Variants in RSPO3 observed in about 807,000 individuals in gnomAD.
RSPO3 encodes R-spondin-3.
RSPO3 carries 17 observed loss-of-function variants against 36.5 expected under a neutral mutation model. The observed-to-expected ratio is 0.47, with a 90% CI of 0.32 to 0.70. The LOEUF (loss-of-function observed/expected upper bound fraction) is 0.70, where lower values mean the gene tolerates loss of function less well. Ranked by LOEUF, RSPO3 falls within the 30% of genes least tolerant of loss-of-function variation. RSPO3 has a pLI of 0.04. For synonymous variants in RSPO3, 108 were observed against 107.0 expected (o/e 1.01, Z -0.06); for missense variants, 294 against 322.5 (o/e 0.91, Z 0.68).
At chr6:127,140,341 C>G (rs531678448) in intron 1 of RSPO3, among the ~76,000 whole-genome samples, 1 of 152,034 alleles carries the variant, frequency 6.6e-6, no homozygotes, top group Non-Finnish European at 1.5e-5. Context: ...CCCACTTATT[C>G]CCACACACAC....
At chr6:127,136,661 G>T (rs1774161783) in intron 1 of RSPO3, among the ~76,000 whole-genome samples, 1 of 152,190 alleles carries the variant, frequency 6.6e-6, no homozygotes, top group African/African-American at 2.4e-5. Context: ...TAAGTGATTT[G>T]TATGGTATCA....
At position 127,193,524 on chromosome 6, in the gene RSPO3, T is replaced by C. The variant is rs141437274; in HGVS notation, c.635-2299T>C. ...TAGTTTTTATGGAACTTTGGAATGG[T>C]TTTTGCTGACAATTTTTTCGAGTTG... is the stretch of plus-strand genomic sequence containing the variant. On this transcript the variant is annotated intron_variant, in intron 4 of 4. Transcript: ENST00000356698. 1.3e-4 allele frequency among the ~76,000 whole-genome samples: 20 copies of C among 152,252 alleles called. 1 individual carries two copies. The East Asian group carries it at 3.9e-3, about 29-fold the overall frequency.
At chr6:127,123,256 A>C (rs748885173) in intron 1 of RSPO3, among the ~76,000 whole-genome samples, 2 of 152,154 alleles carry the variant, frequency 1.3e-5, no homozygotes, top group Non-Finnish European at 2.9e-5. Flanking sequence ...CTTTAATTCT[A>C]CTATACATTT....
intron 1 of RSPO3, among the ~76,000 whole-genome samples, chr6:127,123,244 A>G (rs533947808): frequency 1.1e-4 from 16 of 152,248 alleles, no homozygotes; most frequent in African/African-American, 3.1e-4. Context: ...AAATAGAAAA[A>G]TCTTTAATTC....
chr6:127,124,262 C>A (rs1054998914), intron 1 of RSPO3, among the ~76,000 whole-genome samples: 2 of 152,056 alleles, frequency 1.3e-5, no homozygotes, highest in Non-Finnish European at 2.9e-5. Flanking sequence ...CTCTCTCTTC[C>A]TACTTCTTCA....
At chr6:127,161,321 A>G (rs763333985) in intron 4 of RSPO3, among the ~76,000 whole-genome samples, 1 of 152,176 alleles carries the variant, frequency 6.6e-6, no homozygotes, top group Non-Finnish European at 1.5e-5. Context: ...TGCCTCTAAC[A>G]CATTTTACAT....
At chr6:127,184,078 C>T (rs1034001282) in intron 4 of RSPO3, among the ~76,000 whole-genome samples, 5 of 151,898 alleles carry the variant, frequency 3.3e-5, no homozygotes, top group African/African-American at 7.2e-5. Context: ...GTAACCACCC[C>T]TGGAATTCAA....
At chr6:127,131,058 T>C (rs893042052) in intron 1 of RSPO3, among the ~76,000 whole-genome samples, 5 of 152,102 alleles carry the variant, frequency 3.3e-5, no homozygotes, top group Admixed American at 1.3e-4. Flanking sequence ...TCCAGCCAAC[T>C]TTCCAGTTCT....
Position 127,147,194 on chromosome 6 carries a change from G to A in RSPO3, c.98-1454G>A, listed in dbSNP as rs149368073. On this transcript the variant is annotated intron_variant, in intron 1 of 4. Coordinates refer to ENST00000356698, the MANE Select transcript of RSPO3 (RefSeq NM_032784.5). Reference sequence around the variant, plus strand: ...GGTTTCCTACAGGCAGAGGATGCTGGTCAACCGAATGACCTCTCTGTAACT... The same window carrying A: ...GGTTTCCTACAGGCAGAGGATGCTGATCAACCGAATGACCTCTCTGTAACT... Among the ~76,000 whole-genome samples, 8 of 152,230 alleles carry A rather than the reference G, an allele frequency of 5.3e-5. No homozygotes were observed. The East Asian group carries it at 1.4e-3, about 26-fold the overall frequency.
intron 1 of RSPO3, among the ~76,000 whole-genome samples, chr6:127,145,824 C>A (rs138499550): frequency 1.5e-4 from 23 of 152,262 alleles, no homozygotes; most frequent in African/African-American, 5.5e-4. Context: ...AAGAAAGACA[C>A]ATGAGAAAGT....
At position 127,175,893 on chromosome 6, in the gene RSPO3, T is replaced by A. The variant is rs553772086; in HGVS notation, c.635-19930T>A. Among the ~76,000 whole-genome samples, 23 of 151,880 alleles carry A rather than the reference T, an allele frequency of 1.5e-4. No homozygotes were observed. The South Asian group carries it at 3.5e-3, about 23-fold the overall frequency. On this transcript the variant is annotated intron_variant, in intron 4 of 4. Transcript: ENST00000356698. ...GGGGACACATTATATTGAATAAGGG[T>A]ATTGTTAGCCAAATTCTAAGATTCA...
At chr6:127,186,942 C>T (rs1562254731) in intron 4 of RSPO3, among the ~76,000 whole-genome samples, 1 of 152,084 alleles carries the variant, frequency 6.6e-6, no homozygotes, top group Admixed American at 6.6e-5. Flanking sequence ...GTGTGTATAA[C>T]AGAAATTTTT....
Position 127,195,866 on chromosome 6 carries a change from A to G in RSPO3, c.678A>G (p.Gly226=), listed in dbSNP as rs1233273428. ...GGAAAAGAAAAAAACCTAATAAAGG[A>G]GAAAGTAAAGAAGCAATACCTGACA... ...RERKRKKPNK[G]ESKEAIPDSK... The change falls in exon 5 of 5, where the codon GGA becomes GGG. Residue 226 remains glycine, a synonymous_variant. Transcript: ENST00000356698. The G allele has an allele frequency of 6.2e-6, 10 of 1,601,684 alleles. No homozygotes were observed. The East Asian group carries it at 2.2e-4, about 36-fold the overall frequency.
In RSPO3 at chr6:127,197,111, A is replaced by C; in HGVS notation, c.*1104A>C. On this transcript the variant is annotated 3_prime_UTR_variant, in exon 5 of 5. Coordinates refer to ENST00000356698, the MANE Select transcript of RSPO3 (RefSeq NM_032784.5). Reference sequence around the variant, plus strand: ...CTCTTAGAGACTCATGAATTAAGAAAGAGAATTCTGCTAACTCAGAGAACC... The same window carrying C: ...CTCTTAGAGACTCATGAATTAAGAACGAGAATTCTGCTAACTCAGAGAACC... The C allele has an allele frequency of 4.5e-6, 1 of 224,602 alleles. No homozygotes were observed. The highest frequency in any genetic ancestry group is 8.9e-6 in the Non-Finnish European group (1 of 112,986). The allele number at this position is 224,602 out of a possible 1,614,324, so 13.9% of individuals were successfully genotyped here. A position where few individuals can be genotyped will look rare whatever the true frequency, so the allele number is the denominator to read the frequency against.
At chr6:127,136,488 A>G (rs922251456) in intron 1 of RSPO3, among the ~76,000 whole-genome samples, 12 of 152,200 alleles carry the variant, frequency 7.9e-5, no homozygotes, top group African/African-American at 2.9e-4. Context: ...TGAGCTGGAA[A>G]AGTATCATTT....
chr6:127,177,756 C>T (rs1302730160), intron 4 of RSPO3, among the ~76,000 whole-genome samples: 5 of 151,596 alleles, frequency 3.3e-5, no homozygotes, highest in Non-Finnish European at 5.9e-5. Context: ...GAGAAAAGGA[C>T]TTGCAAGAAG....
chr6:127,144,841 C>CA (rs1774350841), intron 1 of RSPO3, among the ~76,000 whole-genome samples: 1 of 151,868 alleles, frequency 6.6e-6, no homozygotes, highest in Non-Finnish European at 1.5e-5. Flanking sequence ...AGGCTGGTCT[C>CA]AAACTCCTGG....
chr6:127,119,081 T>A lies in RSPO3; in HGVS notation c.-112T>A, dbSNP rs1022406727. The stretch of plus-strand genomic sequence containing the variant: ...TCGGATGTGAGAGGAGAAGTCCCGC[T>A]GCTCGGGCACTGTCTATATACGCCT... On this transcript the variant is annotated 5_prime_UTR_variant, in exon 1 of 5. Transcript: ENST00000356698. The A allele has an allele frequency of 1.3e-6, 1 of 763,704 alleles. No individual in the cohort carries two copies. The highest frequency in any genetic ancestry group is 1.8e-5 in the African/African-American group (1 of 55,906). 47.3% of individuals were successfully genotyped at this position (763,704 alleles called of 1,614,324 possible).
chr6:127,140,459 G>A (rs774476516), intron 1 of RSPO3, among the ~76,000 whole-genome samples: 1 of 152,160 alleles, frequency 6.6e-6, no homozygotes, highest in Non-Finnish European at 1.5e-5. Context: ...CAAAACACAT[G>A]TAGATTGATG....
Sources: allele counts gnomAD v4.1 joint callset (sites outside exome capture counted in the v4.1 genomes callset), GRCh38; gene constraint gnomAD v4.1.1; transcripts MANE v1.5; gene names NCBI Gene and HGNC (gene_info 2026-07-23, HGNC 2026-07-21).